Variants in KLC1 observed in about 807,000 individuals in gnomAD.
The protein encoded by KLC1 is kinesin 2 60/70kDa.
In KLC1, 30 loss-of-function variants were observed where a neutral mutation model predicts 84.2. The ratio of observed to expected loss-of-function variants is 0.36; its 90% CI spans 0.27 to 0.48. KLC1 has a LOEUF of 0.48. Ranked by LOEUF, KLC1 falls within the 20% of genes least tolerant of loss-of-function variation. The probability of loss-of-function intolerance (pLI) is 0.99; values close to 1 mark genes in which losing one functional copy is unlikely to be tolerated. For missense variants in KLC1, 499 were observed against 805.4 expected, an observed-to-expected ratio of 0.62 and a Z score of 4.60; for synonymous variants, 289 against 293.3, an observed-to-expected ratio of 0.99 and a Z score of 0.15.
chr14:103,692,506 G>C, intron 15 of KLC1, 81 bp downstream of exon 15: 1 of 1,214,888 alleles, frequency 8.2e-7, no homozygotes, highest in Non-Finnish European at 1.2e-6. Flanking sequence ...CTCGGCCCCT[G>C]CTCGGCCCCT....
chr14:103,636,472 G>A (rs1019778549), intron 1 of KLC1, among the ~76,000 whole-genome samples: 7 of 152,000 alleles, frequency 4.6e-5, no homozygotes, highest in Non-Finnish European at 1.0e-4. Context: ...ACCCCCCATC[G>A]GCCTCCCAAA....
intron 13 of KLC1, chr14:103,685,736 C>CCTCTA (rs1284592667): frequency 7.8e-7 from 1 of 1,288,386 alleles, no homozygotes; most frequent in East Asian, 5.6e-5. Context: ...TGTCTAGCAG[C>CCTCTA]CTCTAGGATC....
At chr14:103,671,729 G>C (rs967300352) in intron 7 of KLC1, among the ~76,000 whole-genome samples, 14 of 152,146 alleles carry the variant, frequency 9.2e-5, no homozygotes, top group Non-Finnish European at 8.8e-5. Flanking sequence ...ATTCTTATCA[G>C]TTAATTTTGA....
At position 103,654,742 on chromosome 14, in the gene KLC1, G is replaced by C. The variant is rs1318584516; in HGVS notation, c.178G>C (p.Asp60His). The C allele has an allele frequency of 6.2e-7, 1 of 1,614,204 alleles. No individual in the cohort carries two copies. Among genetic ancestry groups the C allele is most frequent in the South Asian group, 1.1e-5 (1 of 91,088 alleles). ...LETLKCLKKD[D>H]ESNLVEEKSN... Reference sequence around the variant, plus strand: ...GACACTGAAGTGTTTGAAGAAAGATGATGAAAGTAATTTGGTGGAGGAGAA... The same window carrying C: ...GACACTGAAGTGTTTGAAGAAAGATCATGAAAGTAATTTGGTGGAGGAGAA... Residue 60 changes from aspartate to histidine, a missense_variant, in exon 2 of 17, where the codon GAT (aspartate) becomes CAT (histidine). This residue lies in a region of KLC1 where 179 missense variants were observed against 264.2 expected (regional missense o/e 0.68). Coordinates refer to ENST00000334553, the MANE Select transcript of KLC1 (RefSeq NM_001394837.1).
intron 1 of KLC1, among the ~76,000 whole-genome samples, chr14:103,630,590 G>T (rs1002869926): frequency 6.6e-6 from 1 of 152,098 alleles, no homozygotes; most frequent in African/African-American, 2.4e-5. Context: ...GGAATACATT[G>T]CACTAGTTTA....
chr14:103,635,179 C>T (rs918884520), intron 1 of KLC1, among the ~76,000 whole-genome samples: 1 of 152,170 alleles, frequency 6.6e-6, no homozygotes, highest in African/African-American at 2.4e-5. Context: ...GAGTTACTTC[C>T]TTGGTTCTAA....
At chr14:103,632,931 G>A (rs1174484426) in intron 1 of KLC1, among the ~76,000 whole-genome samples, 3 of 152,062 alleles carry the variant, frequency 2.0e-5, no homozygotes, top group Admixed American at 6.6e-5. Context: ...TCCTGAGGTT[G>A]TGCTGCTGTA....
intron 14 of KLC1, among the ~76,000 whole-genome samples, chr14:103,690,142 C>T (rs1478299238): frequency 6.6e-6 from 1 of 151,608 alleles, no homozygotes; most frequent in East Asian, 1.9e-4. Context: ...GATCACACCA[C>T]TGCACTCCAG....
At chr14:103,632,508 G>C (rs908327703) in intron 1 of KLC1, among the ~76,000 whole-genome samples, 2 of 152,024 alleles carry the variant, frequency 1.3e-5, no homozygotes, top group African/African-American at 4.8e-5. Context: ...CTGAGGTCAG[G>C]AGTTTGAGAC....
At chr14:103,633,304 G>T (rs190352470) in intron 1 of KLC1, among the ~76,000 whole-genome samples, 2 of 152,070 alleles carry the variant, frequency 1.3e-5, no homozygotes, top group Admixed American at 1.3e-4. Context: ...TGATCCGCCC[G>T]CCTTGGCCTC....
In KLC1 at chr14:103,693,075, A is replaced by T. The variant is rs942223582; in HGVS notation, c.1848+650A>T. ...CCTGTTTCTCAGGTGCCTGGGGCCC[A>T]CCCGGCAGCTCGAGCTGTTGGGACT... is the stretch of plus-strand genomic sequence containing the variant. On this transcript the variant is annotated intron_variant, in intron 15 of 16. Coordinates refer to ENST00000334553, the MANE Select transcript of KLC1 (RefSeq NM_001394837.1). This position sits in a 1 kb window ranked among gnomAD's most constrained non-coding sequence, Gnocchi z 5.1. Among the ~76,000 whole-genome samples, 4 of 152,126 alleles carry T rather than the reference A, an allele frequency of 2.6e-5. No homozygotes were observed. In the South Asian group the frequency reaches 6.2e-4, roughly 24 times the overall value.
intron 1 of KLC1, among the ~76,000 whole-genome samples, chr14:103,653,700 G>T (rs182651863): frequency 1.3e-5 from 2 of 152,318 alleles, no homozygotes; most frequent in African/African-American, 4.8e-5. Context: ...GACAGTGGCA[G>T]TGCTGTGAAG....
At chr14:103,692,256 C>T (rs1347706092) in intron 14 of KLC1, 103 bp from the exon 15 acceptor site, 18 of 1,032,574 alleles carry the variant, frequency 1.7e-5, no homozygotes, top group Non-Finnish European at 2.3e-5. Context: ...CCTAGAGCCC[C>T]CAGTGTCACA....
chr14:103,691,156 T>C (rs2082085413), intron 14 of KLC1, among the ~76,000 whole-genome samples: 1 of 6,144 alleles, frequency 1.6e-4, no homozygotes, highest in African/African-American at 2.2e-4. Flanking sequence ...TTCCCCCCAC[T>C]TTTTTTTTTT....
intron 16 of KLC1, among the ~76,000 whole-genome samples, chr14:103,700,976 C>G (rs947091232): frequency 6.6e-6 from 1 of 152,250 alleles, no homozygotes; most frequent in Non-Finnish European, 1.5e-5. Context: ...ACACCCCTGG[C>G]TTCCCCCGTG....
intron 5 of KLC1, among the ~76,000 whole-genome samples, chr14:103,664,543 T>A (rs187945867): frequency 2.0e-3 from 300 of 151,124 alleles, no homozygotes; most frequent in Non-Finnish European, 3.2e-3. Context: ...TGCAAAAAAA[T>A]TTTTTTTTTG....
chr14:103,665,780 G>A (rs2079729868), intron 5 of KLC1, among the ~76,000 whole-genome samples: 1 of 152,144 alleles, frequency 6.6e-6, no homozygotes, highest in Non-Finnish European at 1.5e-5. Flanking sequence ...ACGGGTTAGA[G>A]TATAAACATT....
chr14:103,637,805 C>G (rs1224089248), intron 1 of KLC1, among the ~76,000 whole-genome samples: 10 of 152,036 alleles, frequency 6.6e-5, no homozygotes, highest in African/African-American at 1.9e-4. Flanking sequence ...TTCAAGTGAT[C>G]GTCCCACCTC....
At chr14:103,651,401 T>TA (rs989822702) in intron 1 of KLC1, among the ~76,000 whole-genome samples, 9 of 152,100 alleles carry the variant, frequency 5.9e-5, no homozygotes, top group Non-Finnish European at 1.2e-4. Context: ...GGTTTTTTTT[T>TA]AATTTAGTTA....
Sources: allele counts gnomAD v4.1 joint callset (sites outside exome capture counted in the v4.1 genomes callset), GRCh38; gene constraint gnomAD v4.1.1; regional missense constraint gnomAD v4.1.1; non-coding constraint Gnocchi (gnomAD v3.1); transcripts MANE v1.5; gene names NCBI Gene and HGNC (gene_info 2026-07-23, HGNC 2026-07-21).